FRMD5: variants seen among roughly 807,000 people sequenced by gnomAD.
FRMD5 encodes the protein FERM domain containing 5.
FRMD5 carries 20 observed loss-of-function variants against 69.0 expected under a neutral mutation model. The ratio of observed to expected loss-of-function variants is 0.29; its 90% CI spans 0.20 to 0.42. The LOEUF (loss-of-function observed/expected upper bound fraction) is 0.42, where lower values mean the gene tolerates loss of function less well. Ranked by LOEUF, FRMD5 falls within the 10% of genes least tolerant of loss-of-function variation. The pLI is 1.00. For synonymous variants in FRMD5, 271 were observed against 260.1 expected (o/e 1.04, Z -0.40); for missense variants, 595 against 708.6 (o/e 0.84, Z 1.82).
At chr15:44,072,785 A>G (rs984841978) in intron 1 of FRMD5, among the ~76,000 whole-genome samples, 1 of 151,080 alleles carries the variant, frequency 6.6e-6, no homozygotes, top group Admixed American at 6.6e-5. Flanking sequence ...CGCTAGCAAT[A>G]AAAAAAAACA....
chr15:43,921,169 C>A (rs561960313), intron 2 of FRMD5, among the ~76,000 whole-genome samples: 1 of 152,334 alleles, frequency 6.6e-6, no homozygotes, highest in Admixed American at 6.5e-5. Flanking sequence ...TGCTCAGAAA[C>A]AACTGGGGTT....
intron 1 of FRMD5, among the ~76,000 whole-genome samples, chr15:44,043,102 G>A (rs1892271705): frequency 6.6e-6 from 1 of 152,114 alleles, no homozygotes; most frequent in Non-Finnish European, 1.5e-5. Context: ...AAATTAATGT[G>A]CAATAATCAC....
chr15:43,894,962 G>A (rs1486228131), intron 7 of FRMD5, among the ~76,000 whole-genome samples: 1 of 152,066 alleles, frequency 6.6e-6, no homozygotes, highest in Non-Finnish European at 1.5e-5. Flanking sequence ...TTTTTTGTTT[G>A]TTTTAGAGAC....
chr15:44,116,470 T>C (rs970376037), intron 1 of FRMD5, among the ~76,000 whole-genome samples: 5 of 152,142 alleles, frequency 3.3e-5, no homozygotes, highest in Non-Finnish European at 7.4e-5. Context: ...GTGTCCTGAC[T>C]ACAGGGCTAC....
chr15:43,873,064 T>C lies in FRMD5; in HGVS notation c.*821A>G, dbSNP rs896483948. On this transcript the variant is annotated 3_prime_UTR_variant, in exon 14 of 14. Transcript: ENST00000417257. Reference sequence around the variant, plus strand: ...TTCGTTTAACGCCCCTGGAGCACTATAAAAGTCTTGAGGTTCTTCGGAAAA... The same window carrying C: ...TTCGTTTAACGCCCCTGGAGCACTACAAAAGTCTTGAGGTTCTTCGGAAAA... 16 of 990,462 alleles carry C rather than the reference T, an allele frequency of 1.6e-5. No homozygotes were observed. The highest frequency in any genetic ancestry group is 2.1e-4 in the Middle Eastern group (1 of 4,792). 61.4% of individuals were successfully genotyped at this position (990,462 alleles called of 1,614,324 possible).
chr15:43,960,983 A>G (rs1029304618), intron 1 of FRMD5, among the ~76,000 whole-genome samples: 12 of 152,186 alleles, frequency 7.9e-5, no homozygotes, highest in African/African-American at 2.9e-4. Flanking sequence ...TAACATCACA[A>G]TTAAAAGAAC....
At chr15:44,046,015 GTTACT>G (rs1892411685) in intron 1 of FRMD5, among the ~76,000 whole-genome samples, 1 of 152,058 alleles carries the variant, frequency 6.6e-6, no homozygotes, top group Non-Finnish European at 1.5e-5. Context: ...GCACTGAAAT[GTTACT>G]TTAAACAGTA....
At chr15:44,138,866 C>A (rs911677466) in intron 1 of FRMD5, among the ~76,000 whole-genome samples, 1 of 152,034 alleles carries the variant, frequency 6.6e-6, no homozygotes, top group African/African-American at 2.4e-5. Flanking sequence ...TATATAATTC[C>A]ATTTACATAA....
intron 1 of FRMD5, among the ~76,000 whole-genome samples, chr15:44,103,548 C>T (rs1159691564): frequency 6.6e-6 from 1 of 152,142 alleles, no homozygotes; most frequent in East Asian, 1.9e-4. Flanking sequence ...ATATGCCATA[C>T]AATTCATCTA....
chr15:44,137,261 G>A (rs372894417), intron 1 of FRMD5, among the ~76,000 whole-genome samples: 1 of 152,342 alleles, frequency 6.6e-6, no homozygotes, highest in South Asian at 2.1e-4. Context: ...CCAGGAATTC[G>A]GTAGCCACCA....
At chr15:43,987,485 G>A (rs1333039216) in intron 1 of FRMD5, among the ~76,000 whole-genome samples, 3 of 152,182 alleles carry the variant, frequency 2.0e-5, no homozygotes, top group Non-Finnish European at 4.4e-5. Flanking sequence ...ATTTTTCCAC[G>A]GACCAGGTTG....
intron 13 of FRMD5, among the ~76,000 whole-genome samples, chr15:43,880,013 A>G (rs758927408): frequency 6.6e-6 from 1 of 152,150 alleles, no homozygotes; most frequent in African/African-American, 2.4e-5. Flanking sequence ...AAGGGCTCCA[A>G]CCTCTCAGAG....
intron 4 of FRMD5, 59 bp downstream of exon 4, chr15:43,919,400 C>T: frequency 6.9e-7 from 1 of 1,444,608 alleles, no homozygotes; most frequent in South Asian, 1.1e-5. Context: ...AGGTCACCAT[C>T]CCCCTTTCCT....
intron 1 of FRMD5, chr15:44,063,553 G>C (rs1215358883): frequency 7.8e-6 from 4 of 515,450 alleles, no homozygotes; most frequent in African/African-American, 1.9e-5. Context: ...TAGTTGTACT[G>C]GTCACCTGGT....
upstream of FRMD5, among the ~76,000 whole-genome samples, chr15:44,198,607 T>A (rs1028165234): frequency 6.6e-6 from 1 of 151,400 alleles, no homozygotes; most frequent in Non-Finnish European, 1.5e-5. Flanking sequence ...CAAACTGAAT[T>A]TTGGGAGACT....
intron 1 of FRMD5, among the ~76,000 whole-genome samples, chr15:44,187,523 T>C (rs1595571001): frequency 6.6e-6 from 1 of 151,906 alleles, no homozygotes; most frequent in East Asian, 1.9e-4. Flanking sequence ...TAACTCAGCC[T>C]CTAATGCTCT....
chr15:43,965,799 C>T (rs867454862), intron 1 of FRMD5, among the ~76,000 whole-genome samples: 2 of 151,702 alleles, frequency 1.3e-5, no homozygotes, highest in South Asian at 2.1e-4. Context: ...AGGCTGGTCT[C>T]GAACTCCTGA....
At chr15:44,144,403 T>C (rs2077323714) in intron 1 of FRMD5, among the ~76,000 whole-genome samples, 1 of 152,150 alleles carries the variant, frequency 6.6e-6, no homozygotes, top group Non-Finnish European at 1.5e-5. Context: ...GCATGGATAG[T>C]GGGTAGAGCC....
intron 1 of FRMD5, among the ~76,000 whole-genome samples, chr15:44,043,528 T>C (rs1892296101): frequency 6.6e-6 from 1 of 152,090 alleles, no homozygotes; most frequent in African/African-American, 2.4e-5. Context: ...CAAACTATAC[T>C]ACAAGGCTAC....
Sources: allele counts gnomAD v4.1 joint callset (sites outside exome capture counted in the v4.1 genomes callset), GRCh38; gene constraint gnomAD v4.1.1; transcripts MANE v1.5; gene names NCBI Gene and HGNC (gene_info 2026-07-23, HGNC 2026-07-21).